Variants in ERICH1 observed in about 807,000 individuals in gnomAD.
ERICH1 encodes the protein glutamate-rich protein 1.
Under a neutral mutation model 39.6 loss-of-function variants are expected in ERICH1, and 56 were observed. The observed-to-expected ratio is 1.41, with a 90% CI of 1.14 to 1.77. ERICH1 has a LOEUF of 1.77. ERICH1 is among the 40% of genes most tolerant of loss of function. The pLI is 0.00. For synonymous variants in ERICH1, 313 were observed against 223.6 expected, an observed-to-expected ratio of 1.40 and a Z score of -3.57; for missense variants, 826 against 575.4, an observed-to-expected ratio of 1.44 and a Z score of -4.45.
chr8:632,587 T>G (rs559653327), intron 3 of ERICH1, among the ~76,000 whole-genome samples: 1 of 152,280 alleles, frequency 6.6e-6, no homozygotes, highest in African/African-American at 2.4e-5. Flanking sequence ...TTAAGGAATT[T>G]ACAAAATAAT....
intron 3 of ERICH1, chr8:637,533 T>G (rs1236175660): frequency 1.3e-5 from 2 of 152,326 alleles, no homozygotes. Flanking sequence ...TGGCTGTTTC[T>G]CCCGTGGAGT....
chr8:665,661 A>G (rs187305496), intron 5 of ERICH1, among the ~76,000 whole-genome samples: 1 of 152,242 alleles, frequency 6.6e-6, no homozygotes, highest in African/African-American at 2.4e-5. Context: ...AGGAACACTC[A>G]GGGAATGGCA....
At chr8:722,614 G>A (rs1817586988) in intron 1 of ERICH1, among the ~76,000 whole-genome samples, 1 of 152,212 alleles carries the variant, frequency 6.6e-6, no homozygotes, top group Admixed American at 6.5e-5. Context: ...TGCAGTTGCT[G>A]AATTTAAAAT....
intron 2 of ERICH1, among the ~76,000 whole-genome samples, chr8:693,225 C>T (rs1585365149): frequency 1.3e-5 from 2 of 152,092 alleles, no homozygotes; most frequent in Middle Eastern, 3.4e-3. Context: ...TGTACAGAGA[C>T]ACACAGAGAG....
chr8:691,465 G>A (rs1472184165), intron 3 of ERICH1, among the ~76,000 whole-genome samples: 2 of 152,270 alleles, frequency 1.3e-5, no homozygotes, highest in Admixed American at 6.5e-5. Context: ...GTACAACGGG[G>A]CGAGAGCGCC....
rs537745798 is a variant in ERICH1 at position 676,802 on chromosome 8, G to A, written c.305-2755C>T. 2.0e-5 allele frequency among the ~76,000 whole-genome samples: 3 copies of A among 152,368 alleles called. No homozygotes were observed. The South Asian group carries it at 6.2e-4, about 32-fold the overall frequency. On this transcript the variant is annotated intron_variant, in intron 3 of 5. Coordinates refer to ENST00000262109, the MANE Select transcript of ERICH1 (RefSeq NM_207332.3). ...CTTGCCGCTGCACCACGCCAAGGGC[G>A]GGGGTTCAGACAGTTCTCATTTTAG...
chr8:621,281 G>A (rs1359757770), intron 3 of ERICH1, among the ~76,000 whole-genome samples: 2 of 151,992 alleles, frequency 1.3e-5, no homozygotes, highest in African/African-American at 4.8e-5. Flanking sequence ...AGTGCCCAGA[G>A]GAAAAGTTAT....
chr8:693,746 C>G (rs75728793), intron 2 of ERICH1, among the ~76,000 whole-genome samples: 1 of 151,560 alleles, frequency 6.6e-6, no homozygotes, highest in African/African-American at 2.4e-5. Flanking sequence ...GTGTGCCCCT[C>G]TGCGCACGGG....
intron 3 of ERICH1, among the ~76,000 whole-genome samples, chr8:629,651 C>T (rs1336953767): frequency 1.4e-5 from 2 of 144,910 alleles, no homozygotes; most frequent in African/African-American, 5.3e-5. Flanking sequence ...TGACTCACAC[C>T]CGCCTGTGAC....
intron 3 of ERICH1, among the ~76,000 whole-genome samples, chr8:629,097 G>A (rs1219637938): frequency 6.6e-6 from 1 of 152,154 alleles, no homozygotes; most frequent in African/African-American, 2.4e-5. Context: ...GAAATCATTA[G>A]GGACAAGCTC....
intron 3 of ERICH1, among the ~76,000 whole-genome samples, chr8:649,506 G>C (rs575436137): frequency 9.9e-5 from 15 of 152,136 alleles, no homozygotes; most frequent in Non-Finnish European, 1.0e-4. Context: ...TTGTGGAAAT[G>C]CTCAGAGCCC....
intron 3 of ERICH1, among the ~76,000 whole-genome samples, chr8:677,918 C>G (rs1450310113): frequency 6.6e-6 from 1 of 152,152 alleles, no homozygotes; most frequent in Non-Finnish European, 1.5e-5. Flanking sequence ...TCTGTCAGTG[C>G]CGCTCATCGC....
At chr8:699,990 GACCCTCACA>G (rs1811499362) in intron 2 of ERICH1, among the ~76,000 whole-genome samples, 6 of 113,330 alleles carry the variant, frequency 5.3e-5, no homozygotes, top group Non-Finnish European at 7.1e-5. Flanking sequence ...CACGCGCACA[GACCCTCACA>G]GGCGCACAGA....
At chr8:699,642 C>T (rs1045854890) in intron 2 of ERICH1, among the ~76,000 whole-genome samples, 17 of 152,292 alleles carry the variant, frequency 1.1e-4, no homozygotes, top group African/African-American at 3.6e-4. Flanking sequence ...TCAACACGCG[C>T]GTGAAAGCAC....
In ERICH1 at chr8:726,518, CCAGA is replaced by C. The variant is rs1165415033; in HGVS notation, c.22+4618_22+4621del. Among the ~76,000 whole-genome samples the C allele has an allele frequency of 5.8e-5, 7 of 120,984 alleles. No homozygotes were observed. In the South Asian group the frequency reaches 8.1e-4, roughly 14 times the overall value. 79.4% of individuals were successfully genotyped at this position (120,984 alleles called of 152,430 possible). Reference sequence around the variant, plus strand: ...CATGCACATATACATAGGCAAACAGCCAGACACTCATGTACACACACACCACACA... The same window carrying C: ...CATGCACATATACATAGGCAAACAGCCACTCATGTACACACACACCACACA... On this transcript the variant is annotated intron_variant, in intron 1 of 5. Coordinates refer to ENST00000262109, the MANE Select transcript of ERICH1 (RefSeq NM_207332.3).
At chr8:643,484 G>A (rs924217725) in intron 3 of ERICH1, among the ~76,000 whole-genome samples, 8 of 152,064 alleles carry the variant, frequency 5.3e-5, no homozygotes. Context: ...CACGGTGATG[G>A]GGGGCACTGA....
intron 2 of ERICH1, among the ~76,000 whole-genome samples, chr8:699,689 A>C (rs1353573402): frequency 2.0e-5 from 3 of 147,064 alleles, no homozygotes; most frequent in Non-Finnish European, 4.4e-5. Context: ...ACGTGCACAG[A>C]CTCACACAGG....
chr8:668,250 A>G, intron 5 of ERICH1: 1 of 333,588 alleles, frequency 3.0e-6, no homozygotes, highest in Non-Finnish European at 5.7e-6. Context: ...AGAGAGTTGG[A>G]GGTAAGCAAA....
chr8:726,854 T>C (rs1217801333), intron 1 of ERICH1, among the ~76,000 whole-genome samples: 3 of 150,436 alleles, frequency 2.0e-5, no homozygotes, highest in African/African-American at 7.4e-5. Context: ...GGCACATACG[T>C]ATGTACACAG....
Sources: allele counts gnomAD v4.1 joint callset (sites outside exome capture counted in the v4.1 genomes callset), GRCh38; gene constraint gnomAD v4.1.1; transcripts MANE v1.5; gene names NCBI Gene and HGNC (gene_info 2026-07-23, HGNC 2026-07-21).